The following ARHGEF10 variants were observed in gnomAD, a reference collection of about 807,000 sequenced individuals.
ARHGEF10 encodes the protein Rho guanine nucleotide exchange factor (GEF) 10.
Under a neutral mutation model 147.4 loss-of-function variants are expected in ARHGEF10, and 140 were observed. The ratio of observed to expected loss-of-function variants is 0.95; its 90% CI spans 0.83 to 1.09. ARHGEF10 has a LOEUF of 1.09. ARHGEF10 is among the 50% of genes least tolerant of loss of function. The pLI, the probability that ARHGEF10 is intolerant of heterozygous loss-of-function variation, is 0.00. For missense variants in ARHGEF10, 2,222 were observed against 1,752.7 expected (o/e 1.27, Z -4.78); for synonymous variants, 902 against 695.8 (o/e 1.30, Z -4.67).
intron 18 of ARHGEF10, among the ~76,000 whole-genome samples, chr8:1,922,560 C>T (rs1484114185): frequency 1.3e-5 from 2 of 152,132 alleles, no homozygotes; most frequent in East Asian, 1.9e-4. Context: ...GACCACCGAA[C>T]GCAGTGCGAG....
At chr8:1,833,542 G>A (rs1007597654) in intron 1 of ARHGEF10, among the ~76,000 whole-genome samples, 10 of 152,262 alleles carry the variant, frequency 6.6e-5, no homozygotes, top group South Asian at 2.1e-4. Context: ...CGGCCCTCAC[G>A]GCTGCCTCTG....
At chr8:1,863,077 C>T (rs928521736) in intron 4 of ARHGEF10, among the ~76,000 whole-genome samples, 7 of 152,148 alleles carry the variant, frequency 4.6e-5, no homozygotes, top group African/African-American at 1.7e-4. Context: ...GCCACCGCGG[C>T]CAGCTGGATC....
intron 2 of ARHGEF10, among the ~76,000 whole-genome samples, chr8:1,856,324 C>A (rs1403343000): frequency 6.6e-6 from 1 of 152,162 alleles, no homozygotes; most frequent in Non-Finnish European, 1.5e-5. Flanking sequence ...CTCGTGGGGT[C>A]CCCAGGTGTC....
At chr8:1,951,948 C>CACCGTGAGGCGGGGTCTTCCCTGTAACT (rs71211529) in intron 27 of ARHGEF10, among the ~76,000 whole-genome samples, 20 of 152,376 alleles carry the variant, frequency 1.3e-4, no homozygotes, top group African/African-American at 2.4e-4. Context: ...TCCCTGTAAC[C>CACCGTGAGGCGGGGTCTTCCCTGTAACT]GCCGTGAGGC....
intron 11 of ARHGEF10, among the ~76,000 whole-genome samples, chr8:1,886,337 C>T (rs571330324): frequency 2.5e-4 from 38 of 152,250 alleles, no homozygotes; most frequent in Admixed American, 5.9e-4. Flanking sequence ...AGGTGCAAAT[C>T]ATGGACACCA....
At position 1,957,395 on chromosome 8, in the gene ARHGEF10, G is replaced by A. The variant is rs1053027691; in HGVS notation, c.*132G>A. 51 of 1,278,688 alleles carry A rather than the reference G, an allele frequency of 4.0e-5. No homozygotes were observed. The highest frequency in any genetic ancestry group is 6.2e-5 in the Admixed American group (3 of 48,596). 79.2% of individuals were successfully genotyped at this position (1,278,688 alleles called of 1,614,324 possible). On this transcript the variant is annotated 3_prime_UTR_variant, in exon 29 of 29. Coordinates refer to ENST00000349830, the MANE Select transcript of ARHGEF10 (RefSeq NM_014629.4). ...TAAAAACAGTATTTGGGGGAGAAACGTGCAATAGCGTAATGGTGGTGTCCC... is the reference window on the plus strand; with the variant it reads ...TAAAAACAGTATTTGGGGGAGAAACATGCAATAGCGTAATGGTGGTGTCCC...
intron 15 of ARHGEF10, among the ~76,000 whole-genome samples, chr8:1,901,174 G>T (rs1418745117): frequency 6.6e-6 from 1 of 152,086 alleles, no homozygotes; most frequent in East Asian, 1.9e-4. Flanking sequence ...ATGGGGCGAG[G>T]AGACAGGCTG....
intron 18 of ARHGEF10, among the ~76,000 whole-genome samples, chr8:1,916,082 G>C (rs1367727936): frequency 1.3e-5 from 2 of 152,222 alleles, no homozygotes; most frequent in African/African-American, 2.4e-5. Context: ...ATTCCCATAA[G>C]TCTCGTGGAG....
intron 15 of ARHGEF10, among the ~76,000 whole-genome samples, chr8:1,902,123 A>G (rs1166239305): frequency 1.3e-5 from 2 of 151,986 alleles, no homozygotes; most frequent in African/African-American, 2.4e-5. Context: ...TGCATTAGGT[A>G]TTTGTCTTAA....
chr8:1,849,687 ATGG>A (rs1804873076), intron 2 of ARHGEF10, among the ~76,000 whole-genome samples: 1 of 138,154 alleles, frequency 7.2e-6, no homozygotes, highest in Non-Finnish European at 1.6e-5. Context: ...GTGGGCATGG[ATGG>A]CAAATGCTGA....
chr8:1,829,760 C>T (rs1802975846), intron 1 of ARHGEF10, among the ~76,000 whole-genome samples: 1 of 152,182 alleles, frequency 6.6e-6, no homozygotes, highest in Non-Finnish European at 1.5e-5. Flanking sequence ...CCCAGCGCTG[C>T]ACGGCGGCGC....
rs1203239872 is a variant in ARHGEF10 at position 1,937,048 on chromosome 8, G to GT, written c.3222+3107dup. On this transcript the variant is annotated intron_variant, in intron 26 of 28. Coordinates refer to ENST00000349830, the MANE Select transcript of ARHGEF10 (RefSeq NM_014629.4). The surrounding 1 kb of genome is among the most constrained non-coding windows in gnomAD (Gnocchi z 4.9). The stretch of plus-strand genomic sequence containing the variant: ...CGTGGATCATGAATAGCATTCCCGC[G>GT]TGAGTCTTTTTTTGACACAGCCTCC... 6.6e-6 allele frequency among the ~76,000 whole-genome samples: 1 copy of GT among 152,210 alleles called. No individual in the cohort carries two copies. Among genetic ancestry groups the GT allele is most frequent in the Non-Finnish European group, 1.5e-5 (1 of 68,040 alleles).
intron 26 of ARHGEF10, among the ~76,000 whole-genome samples, chr8:1,939,136 G>A (rs961961062): frequency 3.3e-5 from 5 of 152,220 alleles, no homozygotes; most frequent in African/African-American, 1.2e-4. Context: ...GAACACTGTG[G>A]AATCCATAGC....
chr8:1,844,440 C>G (rs10100210), intron 2 of ARHGEF10, among the ~76,000 whole-genome samples: 3 of 47,096 alleles, frequency 6.4e-5, no homozygotes, highest in Non-Finnish European at 1.7e-4. Flanking sequence ...GCCTGCTGGA[C>G]GACAGAGACG....
chr8:1,860,795 G>A (rs1806066224), intron 4 of ARHGEF10, among the ~76,000 whole-genome samples: 1 of 152,076 alleles, frequency 6.6e-6, no homozygotes, highest in African/African-American at 2.4e-5. Flanking sequence ...TTACCGTTAT[G>A]TATGTCCCGT....
intron 26 of ARHGEF10, among the ~76,000 whole-genome samples, chr8:1,940,244 C>T (rs1391533362): frequency 1.3e-5 from 2 of 152,152 alleles, no homozygotes; most frequent in African/African-American, 4.8e-5. Flanking sequence ...CTATGGAAGT[C>T]GCCTTCCTCT....
rs142691367 is a variant in ARHGEF10, at chr8:1,876,749, C to A, written c.843+15C>A. The A allele has an allele frequency of 3.1e-6, 5 of 1,613,918 alleles. No homozygotes were observed. The South Asian group carries it at 5.5e-5, about 18-fold the overall frequency. On this transcript the variant is annotated intron_variant, in intron 8 of 28. Transcript: ENST00000349830. ...ACAAAAAGCAAGTACGTGTTCCCTGCACATGTGAGGGATGGTTCTCTCGCG... is the reference window on the plus strand; with the variant it reads ...ACAAAAAGCAAGTACGTGTTCCCTGAACATGTGAGGGATGGTTCTCTCGCG...
At chr8:1,887,410 C>A (rs1052202099) in intron 11 of ARHGEF10, among the ~76,000 whole-genome samples, 3 of 150,642 alleles carry the variant, frequency 2.0e-5, no homozygotes, top group Admixed American at 1.3e-4. Flanking sequence ...GAGGCGATGC[C>A]AGACCCTGAG....
intron 11 of ARHGEF10, among the ~76,000 whole-genome samples, chr8:1,892,930 T>C (rs896864982): frequency 6.6e-6 from 1 of 152,148 alleles, no homozygotes; most frequent in Non-Finnish European, 1.5e-5. Context: ...CTATTGTATG[T>C]GCTTCAGTGA....
Sources: allele counts gnomAD v4.1 joint callset (sites outside exome capture counted in the v4.1 genomes callset), GRCh38; gene constraint gnomAD v4.1.1; non-coding constraint Gnocchi (gnomAD v3.1); transcripts MANE v1.5; gene names NCBI Gene and HGNC (gene_info 2026-07-23, HGNC 2026-07-21).